The following SGMS1 variants were observed in gnomAD, a reference collection of about 807,000 sequenced individuals.
SGMS1 encodes phosphatidylcholine:ceramide cholinephosphotransferase 1.
SGMS1 carries 13 observed loss-of-function variants against 46.2 expected under a neutral mutation model. The ratio of observed to expected loss-of-function variants is 0.28; its 90% CI spans 0.18 to 0.45. SGMS1 has a LOEUF of 0.45. SGMS1 is among the 20% of genes least tolerant of loss of function. SGMS1 has a pLI of 1.00. For missense variants in SGMS1, 324 were observed against 519.9 expected (o/e 0.62, Z 3.66); for synonymous variants, 203 against 187.8 (o/e 1.08, Z -0.66).
chr10:50,557,056 G>T (rs752691545), intron 2 of SGMS1, among the ~76,000 whole-genome samples: 10 of 152,102 alleles, frequency 6.6e-5, no homozygotes, highest in Non-Finnish European at 1.3e-4. Context: ...TCACATAGTA[G>T]GCTTTATACA....
intron 6 of SGMS1, among the ~76,000 whole-genome samples, chr10:50,372,760 A>G (rs929170391): frequency 9.2e-5 from 14 of 152,130 alleles, no homozygotes; most frequent in African/African-American, 3.1e-4. Context: ...CTTTAATCAT[A>G]CCATTTCTTT....
At chr10:50,605,640 T>G (rs1838687779) in intron 1 of SGMS1, among the ~76,000 whole-genome samples, 1 of 152,198 alleles carries the variant, frequency 6.6e-6, no homozygotes, top group Admixed American at 6.5e-5. Context: ...TAAACACTGT[T>G]CAAAGTGGTG....
chr10:50,466,809 G>A (rs1333354862), intron 4 of SGMS1, 81 bp downstream of exon 4: 1 of 152,050 alleles, frequency 6.6e-6, no homozygotes, highest in Non-Finnish European at 1.5e-5. Flanking sequence ...CACAAAAATT[G>A]TTTGTTTAGA....
intron 6 of SGMS1, among the ~76,000 whole-genome samples, chr10:50,430,914 T>A (rs957990233): frequency 1.3e-5 from 2 of 152,056 alleles, no homozygotes; most frequent in Non-Finnish European, 2.9e-5. Flanking sequence ...TCAACAAACA[T>A]GAGTTTGTTG....
At chr10:50,618,690 A>G (rs1326936621) in intron 1 of SGMS1, among the ~76,000 whole-genome samples, 1 of 152,208 alleles carries the variant, frequency 6.6e-6, no homozygotes. Flanking sequence ...TGGAACAGAA[A>G]GCAGCTGAGC....
intron 2 of SGMS1, among the ~76,000 whole-genome samples, chr10:50,560,770 A>G (rs1007289970): frequency 2.6e-5 from 4 of 151,890 alleles, no homozygotes; most frequent in Non-Finnish European, 4.4e-5. Context: ...ATCATAGTAT[A>G]CATATAGTTT....
chr10:50,625,088 C>T (rs1049676709), upstream of SGMS1: 4 of 990,692 alleles, frequency 4.0e-6, no homozygotes, highest in Non-Finnish European at 3.6e-6. Flanking sequence ...CTCCGCCTCG[C>T]CTTGGGGTAT....
At chr10:50,466,741 T>C (rs1837333371) in intron 4 of SGMS1, 149 bp downstream of exon 4, 1 of 152,176 alleles carries the variant, frequency 6.6e-6, no homozygotes, top group South Asian at 2.1e-4. Context: ...TAAATGGTAA[T>C]ATGTATTTGA....
intron 5 of SGMS1, among the ~76,000 whole-genome samples, chr10:50,449,298 A>C (rs1025897210): frequency 1.3e-5 from 2 of 152,170 alleles, no homozygotes; most frequent in African/African-American, 4.8e-5. Context: ...ACAATGTATA[A>C]CACATTCTGC....
chr10:50,618,391 T>C lies in SGMS1; in HGVS notation c.-684+5316A>G, dbSNP rs185132913. Among the ~76,000 whole-genome samples the C allele has an allele frequency of 2.2e-3, 342 of 152,286 alleles. 1 individual carries two copies. The highest frequency in any genetic ancestry group is 6.8e-3 in the Middle Eastern group (2 of 294). On this transcript the variant is annotated intron_variant, in intron 1 of 10. Coordinates refer to ENST00000361781, the MANE Select transcript of SGMS1 (RefSeq NM_147156.4). Reference sequence around the variant, plus strand: ...AACTAAAAATTTCTCAAAGTTACCATTGACAAAGTTGATAAACAGAAGACA... The same window carrying C: ...AACTAAAAATTTCTCAAAGTTACCACTGACAAAGTTGATAAACAGAAGACA...
intron 2 of SGMS1, among the ~76,000 whole-genome samples, chr10:50,548,070 A>G (rs915698336): frequency 3.3e-5 from 5 of 152,192 alleles, no homozygotes; most frequent in Non-Finnish European, 7.4e-5. Context: ...CCCACAGCCA[A>G]TATCATACTG....
At chr10:50,455,150 T>C (rs1837175639) in intron 5 of SGMS1, among the ~76,000 whole-genome samples, 1 of 152,114 alleles carries the variant, frequency 6.6e-6, no homozygotes, top group African/African-American at 2.4e-5. Context: ...ACTAACAGAA[T>C]GAATGGCTAT....
chr10:50,428,575 A>G (rs1849360442), intron 6 of SGMS1, among the ~76,000 whole-genome samples: 1 of 152,162 alleles, frequency 6.6e-6, no homozygotes, highest in African/African-American at 2.4e-5. Flanking sequence ...TCCTGTTATA[A>G]AAAGCAGCCC....
chr10:50,538,967 G>A (rs555701164), intron 2 of SGMS1, among the ~76,000 whole-genome samples: 19 of 152,306 alleles, frequency 1.2e-4, no homozygotes, highest in Admixed American at 3.3e-4. Context: ...CTAATACAAG[G>A]AAACCACCGA....
chr10:50,439,760 A>G (rs2133633924), intron 5 of SGMS1, among the ~76,000 whole-genome samples: 1 of 152,334 alleles, frequency 6.6e-6, no homozygotes, highest in South Asian at 2.1e-4. Context: ...AATGCTCCCA[A>G]AATAGGCTGT....
chr10:50,395,484 T>C (rs1055679194), intron 6 of SGMS1, among the ~76,000 whole-genome samples: 1 of 152,196 alleles, frequency 6.6e-6, no homozygotes, highest in Non-Finnish European at 1.5e-5. Context: ...TTAGTCAATA[T>C]GCAATGCTTA....
intron 2 of SGMS1, among the ~76,000 whole-genome samples, chr10:50,527,266 T>C (rs181116255): frequency 5.1e-4 from 77 of 152,140 alleles, no homozygotes; most frequent in Non-Finnish European, 2.8e-4. Flanking sequence ...TCAAAGGACA[T>C]CATCACCTTA....
chr10:50,477,078 C>A (rs1386668567), intron 3 of SGMS1, among the ~76,000 whole-genome samples: 2 of 152,212 alleles, frequency 1.3e-5, no homozygotes, highest in East Asian at 1.9e-4. Flanking sequence ...AGTAGATCCA[C>A]CAACAGCTTG....
At chr10:50,452,914 T>A (rs1412501709) in intron 5 of SGMS1, among the ~76,000 whole-genome samples, 1 of 152,228 alleles carries the variant, frequency 6.6e-6, no homozygotes, top group African/African-American at 2.4e-5. Context: ...ATTTATGCTA[T>A]ATGCTTCAAA....
Sources: gnomAD v4.1 joint callset for allele counts (sites outside exome capture counted in the v4.1 genomes callset) on GRCh38, gnomAD v4.1.1 for gene constraint, MANE v1.5 for transcripts, NCBI Gene and HGNC (gene_info 2026-07-23, HGNC 2026-07-21) for gene names.